PDE4D: variants seen among roughly 807,000 people sequenced by gnomAD.
PDE4D encodes phosphodiesterase 4D.
In PDE4D, 24 loss-of-function variants were observed where a neutral mutation model predicts 87.4. The observed-to-expected ratio is 0.27, with a 90% CI of 0.20 to 0.39. The LOEUF (loss-of-function observed/expected upper bound fraction) is 0.39, where lower values mean the gene tolerates loss of function less well. Ranked by LOEUF, PDE4D falls within the 10% of genes least tolerant of loss-of-function variation. The pLI, the probability that PDE4D is intolerant of heterozygous loss-of-function variation, is 1.00. For synonymous variants in PDE4D, 384 were observed against 383.2 expected, an observed-to-expected ratio of 1.00 and a Z score of -0.02; for missense variants, 714 against 1,041.0, an observed-to-expected ratio of 0.69 and a Z score of 4.32.
intron 1 of PDE4D, among the ~76,000 whole-genome samples, chr5:60,337,388 T>TATATATATACACACACACACACAC (rs66871903): frequency 1.1e-5 from 1 of 89,470 alleles, no homozygotes; most frequent in African/African-American, 4.3e-5. Flanking sequence ...TATATATATA[T>TATATATATACACACACACACACAC]ACACACACAC....
chr5:59,097,936 CAAG>C (rs1195199552), intron 5 of PDE4D, among the ~76,000 whole-genome samples: 4 of 152,106 alleles, frequency 2.6e-5, no homozygotes, highest in Non-Finnish European at 5.9e-5. Context: ...CAATGACAGA[CAAG>C]AAGATCAAAG....
At chr5:60,418,370 A>T (rs1157874387) in intron 1 of PDE4D, among the ~76,000 whole-genome samples, 1 of 152,192 alleles carries the variant, frequency 6.6e-6, no homozygotes, top group Non-Finnish European at 1.5e-5. Flanking sequence ...TGGAAATAAA[A>T]TTGCACTTTT....
rs56310406 is a variant in PDE4D, at chr5:60,458,979, T to TTGTG, written c.-90+28959_-90+28962dup. Among the ~76,000 whole-genome samples the TTGTG allele has an allele frequency of 8.5e-3, 1,267 of 148,674 alleles. 9 individuals are homozygous for TTGTG. Among genetic ancestry groups the TTGTG allele is most frequent in the African/African-American group, 0.023 (944 of 40,710 alleles). ...AAAGTGGTGTGATTTTGGTATAAGT[T>TTGTG]TGTGTGTGTGTGTGTGTGTGTGTTG... On this transcript the variant is annotated intron_variant, in intron 1 of 16. Coordinates refer to the PDE4D transcript ENST00000502484.
Position 59,193,534 on chromosome 5 carries a change from T to A in PDE4D, c.650A>T (p.His217Leu). The change falls in exon 3 of 15, where the codon CAC (histidine) becomes CTC (leucine). Residue 217 changes from histidine (H) to leucine (L), a missense_variant and splice_region_variant. Physicochemically the swap from His to Leu is moderately conservative, Grantham distance 99. Coordinates refer to ENST00000340635, the MANE Select transcript of PDE4D (RefSeq NM_001104631.2). ...SRNSSIASDIHGDDLIVTPFA... is the reference protein window; with the variant it reads ...SRNSSIASDILGDDLIVTPFA... The stretch of plus-strand genomic sequence containing the variant: ...TGGAGTCACAATCAAGTCATCTCCG[T>A]GTCTGAAAAATAAACCAAATCCCGC... 6 of 1,613,588 alleles carry A rather than the reference T, an allele frequency of 3.7e-6. No individual in the cohort carries two copies. Among genetic ancestry groups the A allele is most frequent in the Non-Finnish European group, 5.1e-6 (6 of 1,179,744 alleles).
chr5:59,994,601 C>A (rs1235137915), intron 2 of PDE4D, among the ~76,000 whole-genome samples: 2 of 152,034 alleles, frequency 1.3e-5, no homozygotes, highest in Non-Finnish European at 2.9e-5. Flanking sequence ...GTGAGTACAA[C>A]CCCCTATTTC....
At chr5:59,173,883 C>G (rs1352157236) in intron 5 of PDE4D, among the ~76,000 whole-genome samples, 2 of 152,126 alleles carry the variant, frequency 1.3e-5, no homozygotes, top group Non-Finnish European at 2.9e-5. Context: ...CTTTTGCCTT[C>G]TTTATATGGT....
chr5:59,220,377 CAAAAAAAAAAAAA>C (rs57610513), intron 1 of PDE4D, among the ~76,000 whole-genome samples: 1 of 36,130 alleles, frequency 2.8e-5, no homozygotes, highest in African/African-American at 6.5e-5. Flanking sequence ...GACTCTGTCT[CAAAAAAAAAAAAA>C]AAAAAAAAAA....
chr5:60,299,577 C>T (rs938736647), intron 1 of PDE4D, among the ~76,000 whole-genome samples: 2 of 152,124 alleles, frequency 1.3e-5, no homozygotes, highest in Non-Finnish European at 2.9e-5. Flanking sequence ...CCACAGGCCC[C>T]AGTGTGTGTT....
At chr5:59,929,449 T>C (rs1755650134) in intron 3 of PDE4D, among the ~76,000 whole-genome samples, 1 of 152,100 alleles carries the variant, frequency 6.6e-6, no homozygotes, top group African/African-American at 2.4e-5. Flanking sequence ...CTTTAAAAAG[T>C]AGCCTTTGGT....
chr5:60,482,124 T>C (rs1748775510), intron 1 of PDE4D, among the ~76,000 whole-genome samples: 1 of 152,062 alleles, frequency 6.6e-6, no homozygotes, highest in African/African-American at 2.4e-5. Flanking sequence ...TGGAAGATAA[T>C]TAGGTCATGA....
intron 1 of PDE4D, among the ~76,000 whole-genome samples, chr5:59,822,704 G>A (rs897353077): frequency 2.0e-4 from 31 of 152,276 alleles, no homozygotes; most frequent in African/African-American, 7.0e-4. Flanking sequence ...GCCCAGCTGT[G>A]AGTAGAAGCC....
intron 1 of PDE4D, among the ~76,000 whole-genome samples, chr5:59,686,414 G>T (rs1233200076): frequency 5.3e-5 from 8 of 152,102 alleles, no homozygotes; most frequent in Admixed American, 5.2e-4. Flanking sequence ...TGTTGGAGCT[G>T]AAGTTTTCAC....
At chr5:59,189,244 G>GTTTTTTTTTTTTTTTTT (rs1392753870) in intron 3 of PDE4D, among the ~76,000 whole-genome samples, 3 of 91,386 alleles carry the variant, frequency 3.3e-5, no homozygotes, top group Admixed American at 2.6e-4. Context: ...TTTTTTTTTT[G>GTTTTTTTTTTTTTTTTT]TTTTTTTTGT....
chr5:59,610,504 G>T lies in PDE4D; in HGVS notation c.455+282664C>A, dbSNP rs143957414. Among the ~76,000 whole-genome samples the T allele has an allele frequency of 9.2e-5, 14 of 152,164 alleles. No homozygotes were observed. The East Asian group carries it at 2.7e-3, about 29-fold the overall frequency. ...TCCTCTTCACCAGGATCTTATTTTGGTCTAGAACAGATTAATCTATTCTCA... is the reference window on the plus strand; with the variant it reads ...TCCTCTTCACCAGGATCTTATTTTGTTCTAGAACAGATTAATCTATTCTCA... On this transcript the variant is annotated intron_variant, in intron 1 of 14. Transcript: ENST00000340635.
intron 1 of PDE4D, among the ~76,000 whole-genome samples, chr5:59,333,533 T>C (rs968560151): frequency 1.3e-5 from 2 of 152,192 alleles, no homozygotes; most frequent in Non-Finnish European, 2.9e-5. Context: ...CTGTGATCCA[T>C]AGTTGGCAAG....
intron 5 of PDE4D, among the ~76,000 whole-genome samples, chr5:59,161,407 T>C (rs1313889686): frequency 6.6e-6 from 1 of 152,218 alleles, no homozygotes; most frequent in Non-Finnish European, 1.5e-5. Context: ...TTTCAACATA[T>C]TCTGATTAGC....
At chr5:59,202,300 A>T (rs973904102) in intron 2 of PDE4D, among the ~76,000 whole-genome samples, 1 of 152,038 alleles carries the variant, frequency 6.6e-6, no homozygotes, top group South Asian at 2.1e-4. Flanking sequence ...TCGGCCTCCC[A>T]AAGTGCTGGG....
intron 3 of PDE4D, among the ~76,000 whole-genome samples, chr5:59,951,329 C>A (rs997351814): frequency 3.9e-5 from 6 of 152,126 alleles, no homozygotes; most frequent in Admixed American, 3.9e-4. Flanking sequence ...AGAGATTGCA[C>A]TCCAGTGTTT....
intron 1 of PDE4D, among the ~76,000 whole-genome samples, chr5:60,377,091 C>A (rs1180963298): frequency 1.3e-5 from 2 of 152,250 alleles, no homozygotes; most frequent in African/African-American, 4.8e-5. Flanking sequence ...TCCTGGTAAA[C>A]ACAGGCAACC....
Sources: allele counts gnomAD v4.1 joint callset (sites outside exome capture counted in the v4.1 genomes callset), GRCh38; gene constraint gnomAD v4.1.1; transcripts MANE v1.5; gene names NCBI Gene and HGNC (gene_info 2026-07-23, HGNC 2026-07-21).